Variants in SLC17A5 observed in about 807,000 individuals in gnomAD.
SLC17A5 encodes solute carrier family 17 member 5.
In SLC17A5, 47 loss-of-function variants were observed where a neutral mutation model predicts 59.4. The observed-to-expected ratio is 0.79, with a 90% CI of 0.63 to 1.01. The LOEUF (loss-of-function observed/expected upper bound fraction) is 1.01. Among genes scored for constraint, SLC17A5 ranks in the 50% least tolerant of loss-of-function variants. The pLI, the probability that SLC17A5 is intolerant of heterozygous loss-of-function variation, is 0.00. For synonymous variants in SLC17A5, 202 were observed against 210.7 expected, an observed-to-expected ratio of 0.96 and a Z score of 0.36; for missense variants, 522 against 595.5, an observed-to-expected ratio of 0.88 and a Z score of 1.28.
At chr6:73,600,164 T>C (rs894093902) in intron 10 of SLC17A5, among the ~76,000 whole-genome samples, 187 bp downstream of exon 10, 2 of 152,250 alleles carry the variant, frequency 1.3e-5, no homozygotes, top group Admixed American at 1.3e-4. Context: ...TCAATTGTTT[T>C]GTCTAAAATC....
At chr6:73,602,117 T>G (rs1441336993) in intron 9 of SLC17A5, among the ~76,000 whole-genome samples, 4 of 151,648 alleles carry the variant, frequency 2.6e-5, no homozygotes, top group Non-Finnish European at 5.9e-5. Flanking sequence ...TGCCTTGGGA[T>G]CCTGTTGATC....
At chr6:73,618,547 G>A in intron 7 of SLC17A5, 1 of 526,874 alleles carries the variant, frequency 1.9e-6, no homozygotes, top group Non-Finnish European at 3.6e-6. Flanking sequence ...GCCTACAGGA[G>A]GAAAAGCAAG....
chr6:73,627,706 G>A (rs1182122960), intron 6 of SLC17A5, among the ~76,000 whole-genome samples: 2 of 149,078 alleles, frequency 1.3e-5, no homozygotes, highest in Non-Finnish European at 3.0e-5. Flanking sequence ...TCAACTCACT[G>A]CAGCCTCTGC....
chr6:73,642,066 G>A, intron 2 of SLC17A5, 142 bp from the exon 3 acceptor site: 3 of 725,514 alleles, frequency 4.1e-6, no homozygotes, highest in South Asian at 3.1e-5. Flanking sequence ...TCTAGTAGGT[G>A]GGTGAGTCAT....
intron 1 of SLC17A5, among the ~76,000 whole-genome samples, chr6:73,646,077 T>C (rs1769546017): frequency 6.6e-6 from 1 of 152,188 alleles, no homozygotes; most frequent in East Asian, 1.9e-4. Context: ...TTTAAAGATA[T>C]AAACATGTAT....
Position 73,641,769 on chromosome 6 carries a change from G to A in SLC17A5, c.447C>T (p.Leu149=). The A allele has an allele frequency of 6.2e-7, 1 of 1,614,160 alleles. No individual in the cohort carries two copies. Residue 149 remains leucine (L), a synonymous_variant, in exon 3 of 11, where the codon CTC becomes CTT. Transcript: ENST00000355773. The stretch of plus-strand genomic sequence containing the variant: ...CTGCAGCAATGGGAGTGAACAGGGT[G>A]AGGACAGCAGTGCCAAGGATCCCAA... ...LGFGILGTAV[L]TLFTPIAADL...
Position 73,641,823 on chromosome 6 carries a change from G to C in SLC17A5, c.393C>G (p.Ser131Arg). 6.2e-7 allele frequency: 1 copy of C among 1,614,058 alleles called. No homozygotes were observed. ...CTAGCAGCATTTTCCCCCCTATTTT[G>C]CTGGCAACATATCCTCCAGGAATCT... ...ITQIPGGYVA[S>R]KIGGKMLLGF... The change falls in exon 3 of 11, where the codon AGC (serine) becomes AGG (arginine). Residue 131 changes from serine (S) to arginine (R), a missense_variant. Around this residue, in one of 3 missense-constraint regions of SLC17A5, gnomAD observed 338 missense variants for 363.8 expected, o/e 0.93. Coordinates refer to ENST00000355773, the MANE Select transcript of SLC17A5 (RefSeq NM_012434.5).
At chr6:73,624,657 T>C (rs545140591) in intron 6 of SLC17A5, among the ~76,000 whole-genome samples, 3 of 152,076 alleles carry the variant, frequency 2.0e-5, no homozygotes, top group South Asian at 4.2e-4. Context: ...AGGCGGATCA[T>C]GAGGTCAAGA....
At chr6:73,616,656 T>C (rs1347905784) in intron 7 of SLC17A5, among the ~76,000 whole-genome samples, 1 of 151,198 alleles carries the variant, frequency 6.6e-6, no homozygotes, top group African/African-American at 2.4e-5. Flanking sequence ...TTGCCTAGGC[T>C]GGAGTGCAGT....
At chr6:73,606,965 C>A (rs1470511479) in intron 9 of SLC17A5, among the ~76,000 whole-genome samples, 2 of 152,140 alleles carry the variant, frequency 1.3e-5, no homozygotes, top group Non-Finnish European at 2.9e-5. Context: ...AGAAGTTAGA[C>A]TGTTTTGCCA....
intron 6 of SLC17A5, among the ~76,000 whole-genome samples, chr6:73,634,637 C>T (rs375799610): frequency 5.7e-4 from 87 of 152,186 alleles, no homozygotes; most frequent in African/African-American, 1.9e-3. Context: ...TGACCTCAGG[C>T]GATCCGCCTG....
intron 1 of SLC17A5, among the ~76,000 whole-genome samples, chr6:73,650,319 C>G (rs1464279541): frequency 2.6e-5 from 4 of 151,366 alleles, no homozygotes; most frequent in Non-Finnish European, 5.9e-5. Context: ...ACCATCCTGG[C>G]TAACACGGTG....
At chr6:73,609,345 A>G (rs1163791839) in intron 9 of SLC17A5, among the ~76,000 whole-genome samples, 2 of 152,178 alleles carry the variant, frequency 1.3e-5, no homozygotes, top group East Asian at 1.9e-4. Flanking sequence ...TTTTGGCTCT[A>G]TCATTTATTA....
At chr6:73,595,915 CG>C (rs1561982328) in intron 10 of SLC17A5, among the ~76,000 whole-genome samples, 186 of 3,594 alleles carry the variant, frequency 0.052, 1 homozygote, top group African/African-American at 0.062. Context: ...TATATATATA[CG>C]TATATATATA....
In SLC17A5 at chr6:73,601,158, C is replaced by G. The variant is rs368247845; in HGVS notation, c.1260-717G>C. ...GTGAGGAGCGTCTCTGCCCGGCCGC[C>G]CATCGTCTGAGATGTGGGGAGCGCC... On this transcript the variant is annotated intron_variant, in intron 9 of 10. Coordinates refer to ENST00000355773, the MANE Select transcript of SLC17A5 (RefSeq NM_012434.5). Among the ~76,000 whole-genome samples, 357 of 149,910 alleles carry G rather than the reference C, an allele frequency of 2.4e-3. 1 individual carries two copies. Among genetic ancestry groups the G allele is most frequent in the African/African-American group, 8.1e-3 (331 of 40,684 alleles).
intron 1 of SLC17A5, among the ~76,000 whole-genome samples, chr6:73,647,484 C>G (rs1383899825): frequency 6.6e-6 from 1 of 152,192 alleles, no homozygotes; most frequent in Non-Finnish European, 1.5e-5. Context: ...TAGTAATTCT[C>G]TTACTCTAAA....
chr6:73,597,523 G>A (rs1766871717), intron 10 of SLC17A5, among the ~76,000 whole-genome samples: 1 of 151,940 alleles, frequency 6.6e-6, no homozygotes, highest in African/African-American at 2.4e-5. Flanking sequence ...GGCGGCTCAT[G>A]CCTGTAATCC....
chr6:73,645,437 T>C (rs995665416), intron 1 of SLC17A5: 2 of 985,258 alleles, frequency 2.0e-6, no homozygotes, highest in Non-Finnish European at 1.2e-6. Flanking sequence ...TCAGTAGTTA[T>C]CAAGCGTAAA....
At chr6:73,613,362 C>A (rs1380293813) in intron 8 of SLC17A5, among the ~76,000 whole-genome samples, 1 of 137,424 alleles carries the variant, frequency 7.3e-6, no homozygotes, top group African/African-American at 3.0e-5. Flanking sequence ...GGAGATAAAT[C>A]TTTTATAAAT....
Sources: allele counts gnomAD v4.1 joint callset (sites outside exome capture counted in the v4.1 genomes callset), GRCh38; gene constraint gnomAD v4.1.1; regional missense constraint gnomAD v4.1.1; transcripts MANE v1.5; gene names NCBI Gene and HGNC (gene_info 2026-07-23, HGNC 2026-07-21).